Variants in PRTG observed in about 807,000 individuals in gnomAD.
PRTG encodes the protein protogenin, also known as immunoglobulin superfamily, DCC subclass, member 5.
In PRTG, 67 loss-of-function variants were observed where a neutral mutation model predicts 122.5. The observed-to-expected ratio is 0.55, with a 90% CI of 0.45 to 0.67. The LOEUF (loss-of-function observed/expected upper bound fraction) is 0.67, where lower values mean the gene tolerates loss of function less well. PRTG is among the 30% of genes least tolerant of loss of function. The pLI is 0.00. For synonymous variants in PRTG, 554 were observed against 501.1 expected, an observed-to-expected ratio of 1.11 and a Z score of -1.41; for missense variants, 1,435 against 1,415.4, an observed-to-expected ratio of 1.01 and a Z score of -0.22.
At chr15:55,738,448 G>C (rs1237920405) in intron 2 of PRTG, 2 of 700,778 alleles carry the variant, frequency 2.9e-6, no homozygotes, top group Non-Finnish European at 5.2e-6. Context: ...CATGACAAAT[G>C]CTTCATCTTC....
At chr15:55,703,100 T>C (rs1347918825) in intron 2 of PRTG, among the ~76,000 whole-genome samples, 1 of 152,168 alleles carries the variant, frequency 6.6e-6, no homozygotes, top group Non-Finnish European at 1.5e-5. Flanking sequence ...TTTTCTAGAG[T>C]GGCTGCAGGT....
In PRTG at chr15:55,718,909, AT is replaced by A. The variant is rs57779298; in HGVS notation, c.397+21472del. ...AGGTGCACACCGTCATGCTCGGCTAATTTTTTTTTATTTTTAGTAGAGACGG... is the reference window on the plus strand; with the variant it reads ...AGGTGCACACCGTCATGCTCGGCTAATTTTTTTTATTTTTAGTAGAGACGG... On this transcript the variant is annotated intron_variant, in intron 2 of 19. Coordinates refer to ENST00000389286, the MANE Select transcript of PRTG (RefSeq NM_173814.6). Among the ~76,000 whole-genome samples the A allele has an allele frequency of 3.7e-3, 561 of 151,246 alleles. 2 individuals are homozygous for A. The highest frequency in any genetic ancestry group is 5.7e-3 in the Non-Finnish European group (389 of 67,782).
intron 3 of PRTG, 135 bp downstream of exon 3, chr15:55,683,652 T>C: frequency 1.6e-6 from 1 of 640,202 alleles, no homozygotes; most frequent in South Asian, 2.8e-5. Context: ...TTGGCTAAGT[T>C]TGAAATGTCT....
At chr15:55,629,375 ATG>A (rs59080250) in intron 15 of PRTG, among the ~76,000 whole-genome samples, 2,196 of 47,402 alleles carry the variant, frequency 0.046, 22 homozygotes, top group Middle Eastern at 0.048. Flanking sequence ...ATATATATAT[ATG>A]TGTGTGTGTG....
chr15:55,707,068 C>T (rs1039449899), intron 2 of PRTG, among the ~76,000 whole-genome samples: 9 of 152,024 alleles, frequency 5.9e-5, no homozygotes, highest in Non-Finnish European at 5.9e-5. Context: ...GGTAGTATTC[C>T]GAAGGCAGTG....
chr15:55,625,713 T>C (rs1376475048), intron 17 of PRTG, among the ~76,000 whole-genome samples: 3 of 141,962 alleles, frequency 2.1e-5, no homozygotes, highest in Non-Finnish European at 4.7e-5. Context: ...AAGCTCCCCC[T>C]CCCGGGTTCA....
rs1007071364 is a variant in PRTG at position 55,667,786 on chromosome 15, G to A, written c.2041+4659C>T. On this transcript the variant is annotated intron_variant, in intron 11 of 19. Coordinates refer to ENST00000389286, the MANE Select transcript of PRTG (RefSeq NM_173814.6). ...AATTAAATGAATTTATTTTGTGACT[G>A]CTGGACAGAATGAATCAGGCTGGGC... Among the ~76,000 whole-genome samples, 3 of 152,280 alleles carry A rather than the reference G, an allele frequency of 2.0e-5. No individual in the cohort carries two copies. The South Asian group carries it at 6.2e-4, about 32-fold the overall frequency.
chr15:55,691,422 C>T (rs888962294), intron 2 of PRTG, among the ~76,000 whole-genome samples: 4 of 152,080 alleles, frequency 2.6e-5, no homozygotes, highest in Non-Finnish European at 5.9e-5. Flanking sequence ...GTGGCTCACA[C>T]CTGTAATCCC....
At chr15:55,642,180 CAAAAAAAA>C (rs761440348) in intron 11 of PRTG, among the ~76,000 whole-genome samples, 1 of 66,764 alleles carries the variant, frequency 1.5e-5, no homozygotes, top group Admixed American at 1.7e-4. Context: ...GACTCCGTCT[CAAAAAAAA>C]AAAAAAAAAA....
intron 11 of PRTG, among the ~76,000 whole-genome samples, chr15:55,663,015 C>T (rs1187167522): frequency 1.3e-5 from 2 of 152,206 alleles, no homozygotes; most frequent in Non-Finnish European, 2.9e-5. Context: ...AACTCAGTAT[C>T]TCCTACTTCC....
At chr15:55,627,492 G>GTTTTTTTTTTTT (rs35022592) in intron 16 of PRTG, among the ~76,000 whole-genome samples, 5 of 104,788 alleles carry the variant, frequency 4.8e-5, no homozygotes, top group Non-Finnish European at 7.3e-5. Flanking sequence ...GCCCAGCTAA[G>GTTTTTTTTTTTT]TTTTTTTTTT....
chr15:55,708,273 G>A (rs1024050500), intron 2 of PRTG, among the ~76,000 whole-genome samples: 5 of 151,254 alleles, frequency 3.3e-5, no homozygotes, highest in Non-Finnish European at 7.4e-5. Flanking sequence ...TGAAGCAAGT[G>A]AAAACAAACA....
Position 55,656,352 on chromosome 15 carries a change from G to A in PRTG, c.2042-15144C>T, listed in dbSNP as rs756653678. ...ATCTGATGGTTTCATTATTAGATTCGGGCTAAACATTTTTGACAAGAATAC... is the reference window on the plus strand; with the variant it reads ...ATCTGATGGTTTCATTATTAGATTCAGGCTAAACATTTTTGACAAGAATAC... On this transcript the variant is annotated intron_variant, in intron 11 of 19. Coordinates refer to ENST00000389286, the MANE Select transcript of PRTG (RefSeq NM_173814.6). The A allele has an allele frequency of 3.0e-4, 138 of 454,866 alleles. 2 individuals carry two copies. The highest frequency in any genetic ancestry group is 1.5e-3 in the South Asian group (95 of 64,122). The allele number at this position is 454,866 out of a possible 1,614,324, so 28.2% of individuals were successfully genotyped here. A position where few individuals can be genotyped will look rare whatever the true frequency, so the allele number is the denominator to read the frequency against.
rs1035270671 is a variant in PRTG at position 55,616,824 on chromosome 15, G to C, written c.*3188C>G. On this transcript the variant is annotated 3_prime_UTR_variant, in exon 20 of 20. Transcript: ENST00000389286. ...TAAACTTAGCCCTTTGATATTTTTT[G>C]CTACTAAAGCTAGATTCTCTATCGG... The C allele has an allele frequency of 2.6e-5, 4 of 151,710 alleles. No individual in the cohort carries two copies. The highest frequency in any genetic ancestry group is 9.7e-5 in the African/African-American group (4 of 41,306). 9.4% of individuals were successfully genotyped at this position (151,710 alleles called of 1,614,324 possible). A position where few individuals can be genotyped will look rare whatever the true frequency, so the allele number is the denominator to read the frequency against.
chr15:55,673,999 T>C (rs1006584521), intron 9 of PRTG, among the ~76,000 whole-genome samples: 1 of 152,208 alleles, frequency 6.6e-6, no homozygotes, highest in Non-Finnish European at 1.5e-5. Context: ...CAAAGTGGCT[T>C]CGAAACAAGG....
intron 1 of PRTG, among the ~76,000 whole-genome samples, chr15:55,741,461 C>T (rs1210609627): frequency 6.6e-6 from 1 of 152,154 alleles, no homozygotes; most frequent in Non-Finnish European, 1.5e-5. Context: ...CTTAATCAAC[C>T]AATACACATT....
At chr15:55,650,036 CT>C (rs2059345220) in intron 11 of PRTG, among the ~76,000 whole-genome samples, 2 of 152,194 alleles carry the variant, frequency 1.3e-5, no homozygotes, top group East Asian at 3.9e-4. Context: ...TCATAGGTGT[CT>C]TTTAGTGCTA....
At chr15:55,681,651 C>A (rs1012340270) in intron 4 of PRTG, among the ~76,000 whole-genome samples, 3 of 151,954 alleles carry the variant, frequency 2.0e-5, no homozygotes, top group African/African-American at 4.8e-5. Context: ...TTTATATTTT[C>A]TATTTTCATA....
chr15:55,704,095 G>A (rs1263275749), intron 2 of PRTG, among the ~76,000 whole-genome samples: 1 of 152,224 alleles, frequency 6.6e-6, no homozygotes, highest in Non-Finnish European at 1.5e-5. Context: ...AAAAAAAAGT[G>A]TCACTGCTTT....
Sources: gnomAD v4.1 joint callset for allele counts (sites outside exome capture counted in the v4.1 genomes callset) on GRCh38, gnomAD v4.1.1 for gene constraint, MANE v1.5 for transcripts, NCBI Gene and HGNC (gene_info 2026-07-23, HGNC 2026-07-21) for gene names.